The following WDR27 variants were observed in gnomAD, a reference collection of about 807,000 sequenced individuals.
WDR27 encodes WD repeat domain 27.
In WDR27, 100 loss-of-function variants were observed where a neutral mutation model predicts 114.4. The ratio of observed to expected loss-of-function variants is 0.87; its 90% CI spans 0.74 to 1.03. The LOEUF is 1.03. WDR27 is among the 50% of genes least tolerant of loss of function. The pLI, the probability that WDR27 is intolerant of heterozygous loss-of-function variation, is 0.00. For missense variants in WDR27, 1,129 were observed against 1,092.9 expected (o/e 1.03, Z -0.47); for synonymous variants, 449 against 423.1 (o/e 1.06, Z -0.75).
intron 25 of WDR27, among the ~76,000 whole-genome samples, chr6:169,470,519 T>C (rs1562458090): frequency 6.6e-6 from 1 of 152,232 alleles, no homozygotes; most frequent in African/African-American, 2.4e-5. Flanking sequence ...TTTGCAGTTC[T>C]GGAGCTAGAA....
rs1438950983 is a variant in WDR27, at chr6:169,572,528, A to G, written c.2536T>C (p.Ser846Pro). The change falls in exon 25 of 26, where the codon TCT becomes CCT. Residue 846 changes from serine (S) to proline (P), a missense_variant. Ser to Pro is a moderately conservative substitution (Grantham distance 74, BLOSUM62 -1). Coordinates refer to ENST00000448612, the MANE Select transcript of WDR27 (RefSeq NM_182552.5). ...CACTGCACTCCAGCGTGGGCGACAG[A>G]GCGAGACTCCATCTCAAAAAAAAAA... is the stretch of plus-strand genomic sequence containing the variant. ...NPSAPQMESR[S>P]VAHAGVQWHD... The G allele has an allele frequency of 1.5e-5, 2 of 134,292 alleles. No homozygotes were observed. The highest frequency in any genetic ancestry group is 8.4e-5 in the Admixed American group (1 of 11,932). 8.3% of individuals were successfully genotyped at this position (134,292 alleles called of 1,614,324 possible).
chr6:169,497,568 A>G (rs1055799659), intron 25 of WDR27, among the ~76,000 whole-genome samples: 1 of 143,906 alleles, frequency 6.9e-6, no homozygotes, highest in African/African-American at 2.5e-5. Flanking sequence ...AAAAAAAAAA[A>G]ATCCAGTTAA....
chr6:169,508,925 C>A (rs1435772524), intron 25 of WDR27, among the ~76,000 whole-genome samples: 1 of 152,190 alleles, frequency 6.6e-6, no homozygotes, highest in Non-Finnish European at 1.5e-5. Context: ...GAGCTGCCCT[C>A]CACACAGCAG....
At chr6:169,440,629 C>T in the WDR27 span, among the ~76,000 whole-genome samples, 1 of 152,080 alleles carries the variant, frequency 6.6e-6, no homozygotes, top group Non-Finnish European at 1.5e-5. Flanking sequence ...AAGTGAAAAT[C>T]TATTTATTAT....
chr6:169,662,617 T>C (rs1018032928), intron 8 of WDR27, among the ~76,000 whole-genome samples, 193 bp from the exon 9 acceptor site: 98 of 141,066 alleles, frequency 6.9e-4, no homozygotes, highest in South Asian at 1.6e-3. Flanking sequence ...GGATCACGCG[T>C]CGAGGAAAGC....
chr6:169,429,179 C>T, the WDR27 span, among the ~76,000 whole-genome samples: 19 of 152,300 alleles, frequency 1.2e-4, no homozygotes, highest in African/African-American at 3.6e-4. Context: ...TCACACGGCG[C>T]TGGGCGGCTT....
At chr6:169,514,804 C>G (rs1793424511) in intron 25 of WDR27, among the ~76,000 whole-genome samples, 1 of 146,466 alleles carries the variant, frequency 6.8e-6, no homozygotes, top group Non-Finnish European at 1.5e-5. Flanking sequence ...TCAGAAATAG[C>G]ATGTGTTAAA....
At chr6:169,508,519 T>C (rs1009571540) in intron 25 of WDR27, among the ~76,000 whole-genome samples, 1 of 152,210 alleles carries the variant, frequency 6.6e-6, no homozygotes, top group African/African-American at 2.4e-5. Flanking sequence ...ACTACTTAGT[T>C]GTTGTTTAAG....
intron 21 of WDR27, among the ~76,000 whole-genome samples, chr6:169,632,740 A>G (rs1256729183): frequency 6.6e-6 from 1 of 152,226 alleles, no homozygotes; most frequent in African/African-American, 2.4e-5. Flanking sequence ...ATAATCAAAC[A>G]CAAACGTAGA....
intron 25 of WDR27, among the ~76,000 whole-genome samples, chr6:169,481,389 G>A (rs57580783): frequency 2.8e-4 from 43 of 152,328 alleles, no homozygotes; most frequent in African/African-American, 9.9e-4. Context: ...GGCAGGATGT[G>A]GGTGGGGTCA....
the WDR27 span, among the ~76,000 whole-genome samples, chr6:169,431,827 A>C: frequency 6.6e-6 from 1 of 152,252 alleles, no homozygotes; most frequent in Non-Finnish European, 1.5e-5. Flanking sequence ...TTAGAATTAA[A>C]GTAAAAGATT....
chr6:169,497,475 A>G (rs1317548392), intron 25 of WDR27, among the ~76,000 whole-genome samples: 1 of 152,146 alleles, frequency 6.6e-6, no homozygotes, highest in African/African-American at 2.4e-5. Flanking sequence ...TAAAAAAGCA[A>G]TCCATAGGAT....
intron 17 of WDR27, among the ~76,000 whole-genome samples, chr6:169,639,036 CGTGGTGCTGGGTACT>C: frequency 1.5e-5 from 2 of 132,202 alleles, no homozygotes; most frequent in South Asian, 6.8e-4. Flanking sequence ...CTGGGTACTG[CGTGGTGCTGGGTACT>C]GTGTGGTGCT....
At chr6:169,621,678 CCA>C (rs1813356864) in intron 21 of WDR27, among the ~76,000 whole-genome samples, 1 of 145,390 alleles carries the variant, frequency 6.9e-6, no homozygotes, top group African/African-American at 2.6e-5. Flanking sequence ...ATATACATAC[CCA>C]CACATGCATA....
chr6:169,658,331 C>T lies in WDR27; in HGVS notation c.1347G>A (p.Leu449=). The part of the protein sequence containing the change: ...ASSCVLPTSP[L]YLGIAKEKST... ...TCTTCTCCTTGGCAATTCCCAGATA[C>T]AGTGGAGAGGTCGGTAGGACACAGG... is the stretch of plus-strand genomic sequence containing the variant. Residue 449 remains leucine (L), a synonymous_variant, in exon 13 of 26, where the codon CTG becomes CTA. Coordinates refer to ENST00000448612, the MANE Select transcript of WDR27 (RefSeq NM_182552.5). 6.2e-7 allele frequency: 1 copy of T among 1,601,682 alleles called. No individual in the cohort carries two copies. Among genetic ancestry groups the T allele is most frequent in the Non-Finnish European group, 8.5e-7 (1 of 1,174,492 alleles).
chr6:169,529,068 T>C lies in WDR27; in HGVS notation c.2645+43351A>G, dbSNP rs536951238. On this transcript the variant is annotated intron_variant, in intron 25 of 25. Coordinates refer to ENST00000448612, the MANE Select transcript of WDR27 (RefSeq NM_182552.5). ...GCGTTGTTTATATTTACAACACAAA[T>C]TGGAAGCTACCTGAATGTACAATAG... is the stretch of plus-strand genomic sequence containing the variant. Among the ~76,000 whole-genome samples the C allele has an allele frequency of 5.9e-5, 9 of 152,188 alleles. No homozygotes were observed. The South Asian group carries it at 1.9e-3, about 32-fold the overall frequency.
intron 25 of WDR27, among the ~76,000 whole-genome samples, chr6:169,510,092 C>T (rs1317521499): frequency 7.2e-5 from 11 of 152,360 alleles, no homozygotes; most frequent in African/African-American, 2.6e-4. Flanking sequence ...TACCACCTCA[C>T]ACCAGTTAGA....
Position 169,638,591 on chromosome 6 carries a change from T to C in WDR27, c.1817A>G (p.Asp606Gly), listed in dbSNP as rs772893687. ...DRRWLLSAAR[D>G]GTLRMWSARG... Reference sequence around the variant, plus strand: ...AGCCGACCACATTCGCAGGGTCCCGTCCCGGGCCGCAGAGAGCAGCCACCT... The same window carrying C: ...AGCCGACCACATTCGCAGGGTCCCGCCCCGGGCCGCAGAGAGCAGCCACCT... The change falls in exon 18 of 26, where the codon GAC (aspartate) becomes GGC (glycine). Residue 606 changes from aspartate (D) to glycine (G), a missense_variant. Asp to Gly is a moderately conservative substitution (Grantham distance 94). Coordinates refer to ENST00000448612, the MANE Select transcript of WDR27 (RefSeq NM_182552.5). The C allele has an allele frequency of 8.7e-6, 14 of 1,609,456 alleles. No homozygotes were observed. The highest frequency in any genetic ancestry group is 1.2e-5 in the Non-Finnish European group (14 of 1,178,264).
intron 17 of WDR27, among the ~76,000 whole-genome samples, chr6:169,643,295 A>T (rs536906913): frequency 1.4e-3 from 193 of 141,076 alleles, no homozygotes; most frequent in Middle Eastern, 3.5e-3. Flanking sequence ...TACTTTTTTT[A>T]AAAAAAAATT....
Sources: gnomAD v4.1 joint callset for allele counts (sites outside exome capture counted in the v4.1 genomes callset) on GRCh38, gnomAD v4.1.1 for gene constraint, MANE v1.5 for transcripts, NCBI Gene and HGNC (gene_info 2026-07-23, HGNC 2026-07-21) for gene names.